CNTNAP2: variants seen among roughly 807,000 people sequenced by gnomAD.
CNTNAP2 encodes the protein contactin-associated protein-like 2.
A neutral mutation model predicts 155.2 loss-of-function variants in CNTNAP2; 98 were observed. That is an observed-to-expected ratio of 0.63 (90% CI 0.54 to 0.75). CNTNAP2 has a LOEUF of 0.75. Ranked by LOEUF, CNTNAP2 falls within the 30% of genes least tolerant of loss-of-function variation. The pLI, the probability that CNTNAP2 is intolerant of heterozygous loss-of-function variation, is 0.00. For synonymous variants in CNTNAP2, 651 were observed against 631.2 expected (o/e 1.03, Z -0.47); for missense variants, 1,727 against 1,688.1 (o/e 1.02, Z -0.40).
chr7:147,411,892 A>T (rs1001464629), intron 10 of CNTNAP2, among the ~76,000 whole-genome samples: 1 of 152,222 alleles, frequency 6.6e-6, no homozygotes, highest in Admixed American at 6.5e-5. Context: ...GTTTCGAAAG[A>T]TTATAAAATA....
chr7:146,821,334 T>G (rs2129196197), intron 2 of CNTNAP2, among the ~76,000 whole-genome samples: 1 of 152,282 alleles, frequency 6.6e-6, no homozygotes, highest in African/African-American at 2.4e-5. Flanking sequence ...AGTGCTTCCT[T>G]CAGGAGCTCT....
intron 10 of CNTNAP2, among the ~76,000 whole-genome samples, chr7:147,444,313 G>A (rs755620227): frequency 7.9e-5 from 12 of 152,214 alleles, no homozygotes; most frequent in Non-Finnish European, 1.3e-4. Context: ...TGAAGCCCAA[G>A]ATGAGATAAA....
chr7:146,963,659 A>G (rs181352506), intron 3 of CNTNAP2, among the ~76,000 whole-genome samples: 1 of 152,128 alleles, frequency 6.6e-6, no homozygotes, highest in Non-Finnish European at 1.5e-5. Flanking sequence ...CAGATTTAAA[A>G]CAGGGCATAA....
At chr7:146,381,766 A>C (rs1306672805) in intron 1 of CNTNAP2, among the ~76,000 whole-genome samples, 1 of 152,180 alleles carries the variant, frequency 6.6e-6, no homozygotes, top group East Asian at 1.9e-4. Context: ...AAGAAATCTC[A>C]GGGACAGAAG....
At chr7:148,262,868 C>T (rs1017311330) in intron 20 of CNTNAP2, among the ~76,000 whole-genome samples, 1 of 152,172 alleles carries the variant, frequency 6.6e-6, no homozygotes, top group Admixed American at 6.5e-5. Flanking sequence ...GAGCCCTGAT[C>T]CGATGCTGCT....
intron 21 of CNTNAP2, among the ~76,000 whole-genome samples, chr7:148,290,344 G>C (rs1220792608): frequency 6.6e-6 from 1 of 152,210 alleles, no homozygotes; most frequent in Non-Finnish European, 1.5e-5. Context: ...ACATGGTAAA[G>C]AGAGTCAGCC....
intron 1 of CNTNAP2, among the ~76,000 whole-genome samples, chr7:146,119,765 T>TG (rs1246579427): frequency 1.1e-4 from 16 of 152,140 alleles, no homozygotes; most frequent in Admixed American, 1.0e-3. Flanking sequence ...AGTAGAACTA[T>TG]TAACCTATAA....
chr7:147,801,535 A>T (rs1346360490), intron 13 of CNTNAP2, among the ~76,000 whole-genome samples: 1 of 151,910 alleles, frequency 6.6e-6, no homozygotes, highest in South Asian at 2.1e-4. Flanking sequence ...CTTAACGAGC[A>T]TGCTGCCTTC....
intron 13 of CNTNAP2, among the ~76,000 whole-genome samples, chr7:147,744,484 T>G (rs992481028): frequency 1.3e-5 from 2 of 152,262 alleles, no homozygotes; most frequent in African/African-American, 4.8e-5. Flanking sequence ...TCCTTCATGC[T>G]ATGCTAGACT....
At chr7:146,122,012 G>A (rs1012614705) in intron 1 of CNTNAP2, among the ~76,000 whole-genome samples, 1 of 152,210 alleles carries the variant, frequency 6.6e-6, no homozygotes, top group African/African-American at 2.4e-5. Flanking sequence ...ATGTTGGAAT[G>A]TGGAGGTGCT....
intron 21 of CNTNAP2, among the ~76,000 whole-genome samples, chr7:148,318,167 T>G (rs1289809080): frequency 2.7e-4 from 41 of 152,174 alleles, no homozygotes; most frequent in Admixed American, 2.6e-3. Flanking sequence ...AGCCTAGATC[T>G]TAGAATCAGG....
chr7:146,984,384 A>G (rs1325156287), intron 3 of CNTNAP2, among the ~76,000 whole-genome samples: 2 of 151,680 alleles, frequency 1.3e-5, no homozygotes, highest in African/African-American at 4.8e-5. Context: ...AAAAAAAAAA[A>G]AAAGATTTCT....
At chr7:147,521,393 G>C (rs1370152592) in intron 11 of CNTNAP2, among the ~76,000 whole-genome samples, 1 of 152,106 alleles carries the variant, frequency 6.6e-6, no homozygotes, top group Admixed American at 6.5e-5. Flanking sequence ...CCATCAAAAT[G>C]TCTGCTTTAT....
chr7:148,410,327 C>T (rs887680598), intron 23 of CNTNAP2, among the ~76,000 whole-genome samples: 7 of 151,716 alleles, frequency 4.6e-5, no homozygotes, highest in South Asian at 2.1e-4. Flanking sequence ...CCCAGCACTT[C>T]GGGAGGCCGA....
At chr7:146,535,894 A>G (rs1233745602) in intron 1 of CNTNAP2, among the ~76,000 whole-genome samples, 1 of 151,456 alleles carries the variant, frequency 6.6e-6, no homozygotes, top group African/African-American at 2.4e-5. Context: ...GTGTAGATGG[A>G]TGGAGTTTCC....
chr7:147,832,145 A>G lies in CNTNAP2; in HGVS notation c.2099-71420A>G, dbSNP rs1798557013. ...TACAATTATATTTTTATATTTTTAA[A>G]TAAATATATAATTTAATTATATAAA... On this transcript the variant is annotated intron_variant, in intron 13 of 23. Coordinates refer to ENST00000361727, the MANE Select transcript of CNTNAP2 (RefSeq NM_014141.6). 1.2e-4 allele frequency among the ~76,000 whole-genome samples: 17 copies of G among 146,610 alleles called. No homozygotes were observed. The South Asian group carries it at 3.6e-3, about 31-fold the overall frequency.
In CNTNAP2 at chr7:146,510,831, T is replaced by G. The variant is rs1010818273; in HGVS notation, c.98-263440T>G. ...GCTACTGAGTTTTGTATTTAATTTT[T>G]GTATAATAAAACTGTACTAATTTTG... On this transcript the variant is annotated intron_variant, in intron 1 of 23. Transcript: ENST00000361727. 9.9e-5 allele frequency among the ~76,000 whole-genome samples: 15 copies of G among 152,182 alleles called. 1 individual carries two copies. The highest frequency in any genetic ancestry group is 2.0e-4 in the Admixed American group (3 of 15,280).
At chr7:147,121,968 G>C (rs1050385250) in intron 6 of CNTNAP2, 1 of 152,080 alleles carries the variant, frequency 6.6e-6, no homozygotes, top group Non-Finnish European at 1.5e-5. Context: ...ACAGGGTCAG[G>C]AGTTCAAGAC....
chr7:147,258,358 G>A (rs1198270438), intron 8 of CNTNAP2, among the ~76,000 whole-genome samples: 1 of 152,058 alleles, frequency 6.6e-6, no homozygotes, highest in East Asian at 1.9e-4. Flanking sequence ...TGCATTAGGA[G>A]CATTCAATAT....
Sources: gnomAD v4.1 joint callset for allele counts (sites outside exome capture counted in the v4.1 genomes callset) on GRCh38, gnomAD v4.1.1 for gene constraint, MANE v1.5 for transcripts, NCBI Gene and HGNC (gene_info 2026-07-23, HGNC 2026-07-21) for gene names.